Variants in CWC25 observed in about 807,000 individuals in gnomAD.
The protein encoded by CWC25 is pre-mRNA-splicing factor CWC25 homolog.
Under a neutral mutation model 54.6 loss-of-function variants are expected in CWC25, and 31 were observed. That is an observed-to-expected ratio of 0.57 (90% CI 0.43 to 0.77). The LOEUF (loss-of-function observed/expected upper bound fraction) is 0.77. Ranked by LOEUF, CWC25 falls within the 30% of genes least tolerant of loss-of-function variation. The probability of loss-of-function intolerance (pLI) is 0.00; values close to 1 mark genes in which losing one functional copy is unlikely to be tolerated. For missense variants in CWC25, 453 were observed against 529.3 expected, an observed-to-expected ratio of 0.86 and a Z score of 1.41; for synonymous variants, 151 against 187.0, an observed-to-expected ratio of 0.81 and a Z score of 1.57.
Position 38,802,878 on chromosome 17 carries a change from C to A in CWC25, c.1002-17G>T. ...GAGAGTTTTCTGTTGAGCACAGAAA[C>A]CATACGATCAGGTCTCTTCCAGCAA... On this transcript the variant is annotated splice_polypyrimidine_tract_variant and intron_variant, in intron 8 of 9. Transcript: ENST00000614790. The A allele has an allele frequency of 6.2e-7, 1 of 1,613,602 alleles. No homozygotes were observed. The highest frequency in any genetic ancestry group is 8.5e-7 in the Non-Finnish European group (1 of 1,179,792).
chr17:38,802,839 C>G lies in CWC25; in HGVS notation c.1024G>C (p.Glu342Gln), dbSNP rs1024737181. Reference sequence around the variant, plus strand: ...TCCATCATCTCTTGCCGTTTTCGCTCTAATTCCTCTGCAGAGAGTTTTCTG... The same window carrying G: ...TCCATCATCTCTTGCCGTTTTCGCTGTAATTCCTCTGCAGAGAGTTTTCTG... Reference protein sequence around the residue: ...YTRKLSAEELERKRQEMMENA... With the variant: ...YTRKLSAEELQRKRQEMMENA... Residue 342 changes from glutamate to glutamine, a missense_variant, in exon 9 of 10, where the codon GAG becomes CAG. Coordinates refer to ENST00000614790, the MANE Select transcript of CWC25 (RefSeq NM_017748.5). The G allele has an allele frequency of 9.3e-6, 15 of 1,613,866 alleles. No individual in the cohort carries two copies. Among genetic ancestry groups the G allele is most frequent in the Non-Finnish European group, 1.2e-5 (14 of 1,179,900 alleles).
chr17:38,801,293 T>C lies in CWC25; in HGVS notation c.*799A>G, dbSNP rs1447381056. The C allele has an allele frequency of 1.3e-5, 2 of 152,164 alleles. No individual in the cohort carries two copies. The highest frequency in any genetic ancestry group is 2.9e-5 in the Non-Finnish European group (2 of 68,016). 9.4% of individuals were successfully genotyped at this position (152,164 alleles called of 1,614,324 possible). On this transcript the variant is annotated 3_prime_UTR_variant, in exon 10 of 10. Coordinates refer to ENST00000614790, the MANE Select transcript of CWC25 (RefSeq NM_017748.5). ...TTACTATACCTTTACACTGCCTACA[T>C]TGGAGACTGCAAGCAGTGGAAAAGA...
intron 1 of CWC25, among the ~76,000 whole-genome samples, chr17:38,823,710 CCTCA>C (rs1241598397): frequency 6.6e-6 from 1 of 152,116 alleles, no homozygotes; most frequent in Non-Finnish European, 1.5e-5. Context: ...GTCCTTCCTC[CCTCA>C]CTCCCTCCCT....
Position 38,810,611 on chromosome 17 carries a change from AAC to A in CWC25, c.499-18_499-17del, listed in dbSNP as rs752885325. On this transcript the variant is annotated splice_polypyrimidine_tract_variant and intron_variant, in intron 4 of 9. Transcript: ENST00000614790. The stretch of plus-strand genomic sequence containing the variant: ...TCATTTGCAACTGGAAAATGCCGAG[AAC>A]ACAAGCACACAAGATTACTGAGACC... 1.3e-4 allele frequency: 166 copies of A among 1,256,266 alleles called. No individual in the cohort carries two copies. The highest frequency in any genetic ancestry group is 1.8e-4 in the Non-Finnish European group (154 of 877,848). The allele number at this position is 1,256,266 out of a possible 1,614,324, so 77.8% of individuals were successfully genotyped here.
At position 38,801,309 on chromosome 17, in the gene CWC25, G is replaced by C. The variant is rs1473100725; in HGVS notation, c.*783C>G. The C allele has an allele frequency of 6.6e-6, 1 of 152,150 alleles. No individual in the cohort carries two copies. Among genetic ancestry groups the C allele is most frequent in the African/African-American group, 2.4e-5 (1 of 41,428 alleles). 9.4% of individuals were successfully genotyped at this position (152,150 alleles called of 1,614,324 possible). A position where few individuals can be genotyped will look rare whatever the true frequency, so the allele number is the denominator to read the frequency against. ...CTGCCTACATTGGAGACTGCAAGCA[G>C]TGGAAAAGAATAGATACTCCAGATC... is the stretch of plus-strand genomic sequence containing the variant. On this transcript the variant is annotated 3_prime_UTR_variant, in exon 10 of 10. Coordinates refer to ENST00000614790, the MANE Select transcript of CWC25 (RefSeq NM_017748.5).
At chr17:38,810,269 C>T (rs1452086993) in intron 5 of CWC25, 199 bp downstream of exon 5, 4 of 580,382 alleles carry the variant, frequency 6.9e-6, no homozygotes, top group Non-Finnish European at 1.2e-5. Flanking sequence ...CCAAGATACC[C>T]ACTCACATTT....
At chr17:38,802,521 T>C (rs1378569504) in intron 9 of CWC25, among the ~76,000 whole-genome samples, 179 bp downstream of exon 9, 2 of 152,154 alleles carry the variant, frequency 1.3e-5, no homozygotes, top group Admixed American at 1.3e-4. Context: ...AATTCACTTC[T>C]CCTCCCCTCA....
chr17:38,817,999 C>T (rs977881637), intron 2 of CWC25, among the ~76,000 whole-genome samples: 5 of 151,122 alleles, frequency 3.3e-5, no homozygotes, highest in African/African-American at 4.9e-5. Context: ...AATAATAGGC[C>T]GGGTGCAGTG....
chr17:38,823,553 G>C (rs186843399), intron 1 of CWC25, among the ~76,000 whole-genome samples: 1 of 152,094 alleles, frequency 6.6e-6, no homozygotes, highest in East Asian at 1.9e-4. Flanking sequence ...AAGGTACTTG[G>C]CATGTGGAAA....
At chr17:38,805,303 A>G (rs528290493) in intron 8 of CWC25, among the ~76,000 whole-genome samples, 1 of 152,206 alleles carries the variant, frequency 6.6e-6, no homozygotes, top group African/African-American at 2.4e-5. Flanking sequence ...AAAAAAGAAA[A>G]TATCTAATAT....
intron 8 of CWC25, among the ~76,000 whole-genome samples, chr17:38,803,876 C>CA (rs35578514): frequency 5.5e-4 from 82 of 149,636 alleles, no homozygotes; most frequent in African/African-American, 1.6e-3. Context: ...CCCATCTCTG[C>CA]AAAAAAAAAA....
intron 3 of CWC25, 137 bp from the exon 4 acceptor site, chr17:38,813,001 C>T: frequency 1.7e-6 from 1 of 596,188 alleles, no homozygotes; most frequent in South Asian, 2.0e-5. Context: ...TGGTGTGCAC[C>T]TGTAATCCCA....
chr17:38,825,262 G>A lies in CWC25; in HGVS notation c.-79C>T, dbSNP rs1912098382. Reference sequence around the variant, plus strand: ...AGAGAAAACGTAGAGAAATAGTTCGGGGGCTACCTCGCGGGATCTAGTCCC... The same window carrying A: ...AGAGAAAACGTAGAGAAATAGTTCGAGGGCTACCTCGCGGGATCTAGTCCC... On this transcript the variant is annotated 5_prime_UTR_variant, in exon 1 of 10. Coordinates refer to ENST00000614790, the MANE Select transcript of CWC25 (RefSeq NM_017748.5). 7 of 1,467,704 alleles carry A rather than the reference G, an allele frequency of 4.8e-6. No individual in the cohort carries two copies. Among genetic ancestry groups the A allele is most frequent in the Non-Finnish European group, 6.5e-6 (7 of 1,084,236 alleles). 90.9% of individuals were successfully genotyped at this position (1,467,704 alleles called of 1,614,324 possible).
intron 2 of CWC25, among the ~76,000 whole-genome samples, chr17:38,817,217 G>A (rs568245983): frequency 1.3e-5 from 2 of 151,094 alleles, no homozygotes; most frequent in Non-Finnish European, 2.9e-5. Context: ...GTACACGCCT[G>A]TAGTCCCAGC....
intron 7 of CWC25, 114 bp from the exon 8 acceptor site, chr17:38,806,509 T>G: frequency 1.0e-6 from 1 of 966,682 alleles, no homozygotes; most frequent in Non-Finnish European, 1.6e-6. Context: ...AATCTAAGTG[T>G]GAGAAAAACA....
chr17:38,819,223 G>A (rs899963717), intron 2 of CWC25, among the ~76,000 whole-genome samples: 4 of 147,654 alleles, frequency 2.7e-5, no homozygotes, highest in East Asian at 2.0e-4. Context: ...TTTTTGAGAC[G>A]AAGTCTTACT....
chr17:38,806,340 TA>T lies in CWC25; in HGVS notation c.957del (p.Glu322ArgfsTer20). 1 of 1,613,622 alleles carries T rather than the reference TA, an allele frequency of 6.2e-7. No individual in the cohort carries two copies. Among genetic ancestry groups the T allele is most frequent in the Non-Finnish European group, 8.5e-7 (1 of 1,179,784 alleles). On this transcript the variant is annotated frameshift_variant, in exon 8 of 10. Coordinates refer to ENST00000614790, the MANE Select transcript of CWC25 (RefSeq NM_017748.5). LOFTEE classifies it high-confidence loss of function. ...TGTCGCCTTTGGTAGACCTCTTTTT[TA>T]GGTGATGGGCTCCTAGTTTGGCCTG... ...RETGQTRSPS[P>X]KKEVYQRRHA...
intron 2 of CWC25, among the ~76,000 whole-genome samples, chr17:38,818,268 T>G (rs1336401716): frequency 6.7e-6 from 1 of 148,266 alleles, no homozygotes; most frequent in African/African-American, 2.5e-5. Flanking sequence ...AGAATGAGAC[T>G]CCATCTCAAA....
chr17:38,822,832 C>T (rs980934037), intron 1 of CWC25, among the ~76,000 whole-genome samples: 2 of 149,916 alleles, frequency 1.3e-5, no homozygotes, highest in Admixed American at 6.7e-5. Context: ...TACAGGCATG[C>T]GCCGCCACGC....
Sources: gnomAD v4.1 joint callset for allele counts (sites outside exome capture counted in the v4.1 genomes callset) on GRCh38, gnomAD v4.1.1 for gene constraint, MANE v1.5 for transcripts, NCBI Gene and HGNC (gene_info 2026-07-23, HGNC 2026-07-21) for gene names.